Variants in TMEM232 observed in about 807,000 individuals in gnomAD.
The protein encoded by TMEM232 is transmembrane protein 232.
Under a neutral mutation model 78.8 loss-of-function variants are expected in TMEM232, and 80 were observed. The ratio of observed to expected loss-of-function variants is 1.01; its 90% CI spans 0.85 to 1.22. The LOEUF is 1.22. TMEM232 is among the 50% of genes most tolerant of loss of function. The probability of loss-of-function intolerance (pLI) is 0.00; values close to 1 mark genes in which losing one functional copy is unlikely to be tolerated. For missense variants in TMEM232, 881 were observed against 742.2 expected (o/e 1.19, Z -2.17); for synonymous variants, 297 against 254.3 (o/e 1.17, Z -1.60).
At position 110,560,142 on chromosome 5, in the gene TMEM232, A is replaced by G. The variant is rs536553458; in HGVS notation, c.1455+8305T>C. Among the ~76,000 whole-genome samples the G allele has an allele frequency of 1.4e-4, 21 of 152,260 alleles. No homozygotes were observed. The South Asian group carries it at 2.9e-3, about 21-fold the overall frequency. On this transcript the variant is annotated intron_variant, in intron 11 of 13. Transcript: ENST00000455884. ...TGGGAGCTACACAAGTCAACACATA[A>G]CAGTTGTGAAGCAACTAGAACTTTC... is the stretch of plus-strand genomic sequence containing the variant.
At chr5:110,582,431 T>C (rs1362472433) in intron 10 of TMEM232, among the ~76,000 whole-genome samples, 2 of 151,964 alleles carry the variant, frequency 1.3e-5, no homozygotes, top group Non-Finnish European at 2.9e-5. Flanking sequence ...TACCACATGT[T>C]CTCACTTATA....
intron 12 of TMEM232, among the ~76,000 whole-genome samples, chr5:110,438,948 C>A (rs886623925): frequency 6.6e-5 from 10 of 152,108 alleles, no homozygotes; most frequent in Admixed American, 6.6e-5. Context: ...TTCTCTTATG[C>A]ATCTTAAAGC....
intron 8 of TMEM232, among the ~76,000 whole-genome samples, chr5:110,608,064 C>G (rs1215497010): frequency 6.6e-6 from 1 of 151,882 alleles, no homozygotes; most frequent in Non-Finnish European, 1.5e-5. Context: ...CTAATTGATG[C>G]ACTTAACATG....
chr5:110,664,472 C>A (rs1293602199), intron 2 of TMEM232, among the ~76,000 whole-genome samples: 2 of 152,150 alleles, frequency 1.3e-5, no homozygotes, highest in Non-Finnish European at 2.9e-5. Context: ...GCCACAATTA[C>A]TATAGTTGAA....
chr5:110,597,234 G>A (rs963904038), intron 10 of TMEM232, among the ~76,000 whole-genome samples: 3 of 152,148 alleles, frequency 2.0e-5, no homozygotes, highest in Non-Finnish European at 4.4e-5. Context: ...GATGAACAGA[G>A]CCAAATCATG....
intron 7 of TMEM232, among the ~76,000 whole-genome samples, chr5:110,623,175 G>GT (rs1236393189): frequency 6.6e-6 from 1 of 150,378 alleles, no homozygotes; most frequent in Non-Finnish European, 1.5e-5. Flanking sequence ...ATTAAAAAGA[G>GT]AAATGGGGTC....
chr5:110,489,534 A>T (rs543712553), intron 12 of TMEM232, among the ~76,000 whole-genome samples: 2 of 152,236 alleles, frequency 1.3e-5, no homozygotes, highest in South Asian at 4.1e-4. Flanking sequence ...TATGTGAAAA[A>T]GCCAAAAGAT....
At chr5:110,499,616 T>C (rs1437950707) in intron 12 of TMEM232, among the ~76,000 whole-genome samples, 1 of 137,380 alleles carries the variant, frequency 7.3e-6, no homozygotes, top group Non-Finnish European at 1.5e-5. Context: ...AGGGGAAAAA[T>C]ATATGTATAC....
chr5:110,618,559 C>A lies in TMEM232; in HGVS notation c.772G>T (p.Gly258Ter). 2 of 1,541,814 alleles carry A rather than the reference C, an allele frequency of 1.3e-6. No individual in the cohort carries two copies. Among genetic ancestry groups the A allele is most frequent in the Non-Finnish European group, 1.7e-6 (2 of 1,144,524 alleles). Residue 258 changes from glycine to a stop codon, truncating the protein, a stop_gained, in exon 8 of 14, where the codon GGA (glycine) becomes TGA (stop). Coordinates refer to ENST00000455884, the MANE Select transcript of TMEM232 (RefSeq NM_001039763.4). LOFTEE classifies it high-confidence loss of function. ...CAGAGCAGGTGGTTAATTTCATATC[C>A]TCCCTGATTAAATTGCAAATGTTTC... ...RYENTDSDMG[G>*]YEINHLLWHC... is the part of the protein sequence containing the mutation.
chr5:110,568,407 T>G, intron 11 of TMEM232, 40 bp downstream of exon 11: 1 of 1,476,422 alleles, frequency 6.8e-7, no homozygotes, highest in South Asian at 1.4e-5. Context: ...TGCTTCCTAA[T>G]GATAGATGTA....
At chr5:110,594,291 C>T (rs988378281) in intron 10 of TMEM232, among the ~76,000 whole-genome samples, 1 of 152,094 alleles carries the variant, frequency 6.6e-6, no homozygotes, top group African/African-American at 2.4e-5. Flanking sequence ...CTACATTTTT[C>T]CCATGGTTTT....
chr5:110,391,291 A>ATGTGTGTGTGTGTGTGTG (rs369913835), intron 3 of TMEM232, among the ~76,000 whole-genome samples: 7 of 130,578 alleles, frequency 5.4e-5, no homozygotes, highest in African/African-American at 1.9e-4. Context: ...TCCCGTTTGA[A>ATGTGTGTGTGTGTGTGTG]TGTGTGTGTG....
At chr5:110,572,340 A>G (rs1302845869) in intron 10 of TMEM232, among the ~76,000 whole-genome samples, 1 of 152,042 alleles carries the variant, frequency 6.6e-6, no homozygotes, top group Non-Finnish European at 1.5e-5. Context: ...TGAAGTCAAT[A>G]TAAGTAAGGA....
At chr5:110,492,422 A>C (rs1765209765) in intron 12 of TMEM232, among the ~76,000 whole-genome samples, 1 of 151,910 alleles carries the variant, frequency 6.6e-6, no homozygotes, top group Non-Finnish European at 1.5e-5. Flanking sequence ...ATAACGAATC[A>C]AAAATTTTAA....
chr5:110,513,398 G>T (rs1768087706), intron 12 of TMEM232, among the ~76,000 whole-genome samples: 1 of 152,130 alleles, frequency 6.6e-6, no homozygotes, highest in South Asian at 2.1e-4. Context: ...TATTCAGTAA[G>T]TGGTTAATAT....
chr5:110,530,869 A>ATTTTTG (rs1771358018), intron 11 of TMEM232, among the ~76,000 whole-genome samples: 2 of 152,204 alleles, frequency 1.3e-5, no homozygotes, highest in Non-Finnish European at 2.9e-5. Flanking sequence ...GTTCTCAAAA[A>ATTTTTG]AGAAATAATA....
intron 12 of TMEM232, among the ~76,000 whole-genome samples, chr5:110,447,374 T>C (rs551948155): frequency 3.2e-4 from 48 of 152,082 alleles, no homozygotes; most frequent in Non-Finnish European, 5.4e-4. Context: ...TGGTTATCAC[T>C]GTGCCACCTA....
At chr5:110,657,368 A>G (rs1789221522) in intron 2 of TMEM232, among the ~76,000 whole-genome samples, 1 of 138,824 alleles carries the variant, frequency 7.2e-6, no homozygotes, top group Non-Finnish European at 1.6e-5. Context: ...TCTAATGATG[A>G]ATGGATATCT....
At chr5:110,391,326 T>TGTGTGTGTGTGTGTGTGTGA (rs549361387) in intron 3 of TMEM232, among the ~76,000 whole-genome samples, 2 of 139,814 alleles carry the variant, frequency 1.4e-5, no homozygotes, top group African/African-American at 5.9e-5. Flanking sequence ...TGTGTGTGTG[T>TGTGTGTGTGTGTGTGTGTGA]GAGAGAGAGA....
Sources: gnomAD v4.1 joint callset for allele counts (sites outside exome capture counted in the v4.1 genomes callset) on GRCh38, gnomAD v4.1.1 for gene constraint, MANE v1.5 for transcripts, NCBI Gene and HGNC (gene_info 2026-07-23, HGNC 2026-07-21) for gene names.